The following HELLS variants were observed in gnomAD, a reference collection of about 807,000 sequenced individuals.
The protein encoded by HELLS is helicase, lymphoid specific.
HELLS carries 32 observed loss-of-function variants against 120.0 expected under a neutral mutation model. The observed-to-expected ratio is 0.27, with a 90% CI of 0.20 to 0.36. The LOEUF (loss-of-function observed/expected upper bound fraction) is 0.36, where lower values mean the gene tolerates loss of function less well. Ranked by LOEUF, HELLS falls within the 10% of genes least tolerant of loss-of-function variation. The probability of loss-of-function intolerance (pLI) is 1.00; values close to 1 mark genes in which losing one functional copy is unlikely to be tolerated. For synonymous variants in HELLS, 341 were observed against 323.4 expected (o/e 1.05, Z -0.58); for missense variants, 650 against 993.4 (o/e 0.65, Z 4.65).
At chr10:94,585,362 G>GTTTTTTTTTTTGTTTGTTTTTTTTTTTT (rs1845073322) in intron 12 of HELLS, among the ~76,000 whole-genome samples, 1 of 121,060 alleles carries the variant, frequency 8.3e-6, no homozygotes, top group African/African-American at 3.0e-5. Flanking sequence ...TTTTTGTTTT[G>GTTTTTTTTTTTGTTTGTTTTTTTTTTTT]TTTTTTTTTT....
At chr10:94,553,942 T>C (rs1306956466) in intron 2 of HELLS, among the ~76,000 whole-genome samples, 184 bp from the exon 3 acceptor site, 6 of 152,202 alleles carry the variant, frequency 3.9e-5, no homozygotes, top group African/African-American at 1.2e-4. Flanking sequence ...ACGAATTGCA[T>C]CTATCAGATT....
rs1187594412 is a variant in HELLS at position 94,574,078 on chromosome 10, T to C, written c.596T>C (p.Phe199Ser). 3.1e-5 allele frequency: 50 copies of C among 1,613,882 alleles called. No individual in the cohort carries two copies. Among genetic ancestry groups the C allele is most frequent in the Non-Finnish European group, 4.1e-5 (48 of 1,179,894 alleles). The change falls in exon 8 of 22, where the codon TTT becomes TCT. Residue 199 changes from phenylalanine (F) to serine (S), a missense_variant. Transcript: ENST00000348459. ...ETVRQNTKFF[F>S]DPVRKCNGQP... Reference sequence around the variant, plus strand: ...GTTAGGCAGAATACTAAATTCTTTTTTGACCCAGTCCGGAAGTGTAATGGT... The same window carrying C: ...GTTAGGCAGAATACTAAATTCTTTTCTGACCCAGTCCGGAAGTGTAATGGT...
intron 6 of HELLS, 97 bp downstream of exon 6, chr10:94,562,973 A>C: frequency 4.2e-6 from 3 of 722,424 alleles, no homozygotes; most frequent in Non-Finnish European, 7.0e-6. Context: ...ATTCAATATC[A>C]CATGAAATAT....
chr10:94,546,412 A>T lies in HELLS; in HGVS notation c.67A>T (p.Thr23Ser), dbSNP rs1165685196. ...TCCAGCAATGGTTGAACAACTGGAC[A>T]CTGCTGTGATTACCCCGGCCATGCT... ...EAPAMVEQLDTAVITPAMLEE... is the reference protein window; with the variant it reads ...EAPAMVEQLDSAVITPAMLEE... Residue 23 changes from threonine (T) to serine (S), a missense_variant, in exon 2 of 22, where the codon ACT becomes TCT. Transcript: ENST00000348459. The T allele has an allele frequency of 6.2e-7, 1 of 1,614,062 alleles. No homozygotes were observed. The highest frequency in any genetic ancestry group is 8.5e-7 in the Non-Finnish European group (1 of 1,180,040).
intron 2 of HELLS, among the ~76,000 whole-genome samples, chr10:94,552,972 G>A (rs982542351): frequency 2.0e-5 from 3 of 152,070 alleles, no homozygotes; most frequent in African/African-American, 7.2e-5. Context: ...TAAAAAACGG[G>A]GTGGGGGTGT....
intron 10 of HELLS, among the ~76,000 whole-genome samples, chr10:94,578,070 C>CAAAAAAAAA (rs58732872): frequency 9.9e-5 from 6 of 60,836 alleles, no homozygotes; most frequent in Non-Finnish European, 1.3e-4. Flanking sequence ...GACTCCGTCT[C>CAAAAAAAAA]AAAAAAAAAA....
intron 12 of HELLS, chr10:94,583,966 C>G: frequency 1.8e-6 from 1 of 551,982 alleles, no homozygotes; most frequent in Non-Finnish European, 3.2e-6. Flanking sequence ...ACACCTTTGC[C>G]CATTTCTGGC....
In HELLS at chr10:94,571,277, A is replaced by T. The variant is rs183618919; in HGVS notation, c.436-111A>T. On this transcript the variant is annotated intron_variant, in intron 6 of 21. Coordinates refer to ENST00000348459, the MANE Select transcript of HELLS (RefSeq NM_018063.5). ...TGAAGGCTACTAGTTTTATCTTGAG[A>T]ATCTCATCCTCATTTCCTGGCAAAA... 2.1e-4 allele frequency: 173 copies of T among 839,242 alleles called. 1 individual carries two copies. In the African/African-American group the frequency reaches 2.5e-3, roughly 12 times the overall value. The allele number at this position is 839,242 out of a possible 1,614,324, so 52.0% of individuals were successfully genotyped here. A position where few individuals can be genotyped will look rare whatever the true frequency, so the allele number is the denominator to read the frequency against.
chr10:94,576,103 A>T (rs983353185), intron 9 of HELLS, among the ~76,000 whole-genome samples: 2 of 150,582 alleles, frequency 1.3e-5, no homozygotes, highest in Non-Finnish European at 3.0e-5. Flanking sequence ...TGGCCCGTCT[A>T]TTTGTTTTTA....
intron 10 of HELLS, chr10:94,577,033 A>G (rs754950217): frequency 2.6e-5 from 15 of 588,164 alleles, no homozygotes; most frequent in Middle Eastern, 2.6e-4. Flanking sequence ...AGTTTAACCT[A>G]TGGCTTAGAA....
chr10:94,607,945 C>T (rs1185302217), exon 9 of HELLS: 3 of 427,540 alleles, frequency 7.0e-6, no homozygotes, highest in African/African-American at 2.1e-5. Flanking sequence ...CCTGACTGGT[C>T]CCGAACTGAT....
intron 2 of HELLS, among the ~76,000 whole-genome samples, chr10:94,550,401 C>T (rs1008310838): frequency 6.6e-6 from 1 of 152,120 alleles, no homozygotes; most frequent in African/African-American, 2.4e-5. Context: ...GCCTCAGCCT[C>T]CCAAGTAGCT....
At chr10:94,602,925 A>G (rs886413571), downstream of HELLS, among the ~76,000 whole-genome samples, 1 of 152,158 alleles carries the variant, frequency 6.6e-6, no homozygotes, top group Non-Finnish European at 1.5e-5. Flanking sequence ...TTCCTGTTAC[A>G]TTGTCCTAAA....
chr10:94,558,455 G>T (rs993367932), intron 4 of HELLS, among the ~76,000 whole-genome samples: 2 of 152,140 alleles, frequency 1.3e-5, no homozygotes, highest in Admixed American at 6.5e-5. Context: ...TTCTTAATTG[G>T]AAAGAATCTG....
At chr10:94,609,221 C>G (rs563366737) in intron 9 of HELLS, among the ~76,000 whole-genome samples, 1 of 151,904 alleles carries the variant, frequency 6.6e-6, no homozygotes, top group Non-Finnish European at 1.5e-5. Flanking sequence ...TGAGGTTTCT[C>G]CATGTTGGTC....
intron 13 of HELLS, 84 bp downstream of exon 13, chr10:94,588,474 C>A: frequency 1.0e-6 from 1 of 988,990 alleles, no homozygotes; most frequent in South Asian, 1.9e-5. Flanking sequence ...GAGAAGGTGT[C>A]GCTCTGTCAC....
At chr10:94,593,415 G>A (rs533502429) in intron 17 of HELLS, 84 bp from the exon 18 acceptor site, 1 of 809,008 alleles carries the variant, frequency 1.2e-6, no homozygotes, top group South Asian at 1.5e-5. Flanking sequence ...GTCTTTAATA[G>A]TTGTAATTGA....
intron 9 of HELLS, among the ~76,000 whole-genome samples, chr10:94,576,430 G>A (rs959879793): frequency 1.2e-4 from 18 of 152,004 alleles, no homozygotes; most frequent in Admixed American, 2.6e-4. Context: ...GAGATTATAG[G>A]TGTGAGCCAT....
chr10:94,593,971 ATTTTTTTTTTT>A (rs904284453), intron 18 of HELLS, among the ~76,000 whole-genome samples: 69 of 122,308 alleles, frequency 5.6e-4, no homozygotes, highest in Non-Finnish European at 9.7e-4. Context: ...TCCATTCTGA[ATTTTTTTTTTT>A]TTTTTTTTTT....
Sources: allele counts gnomAD v4.1 joint callset (sites outside exome capture counted in the v4.1 genomes callset), GRCh38; gene constraint gnomAD v4.1.1; transcripts MANE v1.5; gene names NCBI Gene and HGNC (gene_info 2026-07-23, HGNC 2026-07-21).